Variants in BANP observed in about 807,000 individuals in gnomAD.
BANP encodes BTG3 associated nuclear protein.
In BANP, 11 loss-of-function variants were observed where a neutral mutation model predicts 68.1. That is an observed-to-expected ratio of 0.16 (90% CI 0.10 to 0.27). The LOEUF (loss-of-function observed/expected upper bound fraction) is 0.27. Ranked by LOEUF, BANP falls within the 10% of genes least tolerant of loss-of-function variation. BANP has a pLI of 1.00. For synonymous variants in BANP, 329 were observed against 303.2 expected, an observed-to-expected ratio of 1.09 and a Z score of -0.88; for missense variants, 504 against 722.7, an observed-to-expected ratio of 0.70 and a Z score of 3.47.
chr16:87,975,037 C>A lies in BANP; in HGVS notation c.-68-11C>A. On this transcript the variant is annotated splice_polypyrimidine_tract_variant and intron_variant, in intron 1 of 13. Transcript: ENST00000682872. The stretch of plus-strand genomic sequence containing the variant: ...AATGTCCTCTCCTCCTCCTTTGCTT[C>A]TGTTTGGTAGGTGACCAAAAGCCAG... The A allele has an allele frequency of 8.1e-7, 1 of 1,237,854 alleles. No homozygotes were observed. The highest frequency in any genetic ancestry group is 2.3e-5 in the East Asian group (1 of 42,810). The allele number at this position is 1,237,854 out of a possible 1,614,324, so 76.7% of individuals were successfully genotyped here. A position where few individuals can be genotyped will look rare whatever the true frequency, so the allele number is the denominator to read the frequency against.
At chr16:87,973,227 G>A (rs559450466) in intron 1 of BANP, among the ~76,000 whole-genome samples, 1 of 151,348 alleles carries the variant, frequency 6.6e-6, no homozygotes, top group South Asian at 2.1e-4. Flanking sequence ...CTGAGGCTTT[G>A]TGTCTCCCCC....
At chr16:88,021,872 C>T (rs1174927618) in intron 7 of BANP, among the ~76,000 whole-genome samples, 2 of 152,138 alleles carry the variant, frequency 1.3e-5, no homozygotes, top group Non-Finnish European at 2.9e-5. Context: ...TAAGTTTCTC[C>T]TTATTTGTCA....
At chr16:88,037,166 AC>A (rs1598724084) in intron 10 of BANP, 2 of 152,038 alleles carry the variant, frequency 1.3e-5, no homozygotes, top group South Asian at 4.1e-4. Flanking sequence ...AAGAAAAAAA[AC>A]AACACACATT....
rs145025307 is a variant in BANP at position 88,035,278 on chromosome 16, T to C, written c.1201-45T>C. ...GGAAGATGTTTCTTGTTTCCTTTGC[T>C]TTTGATTTTCTTCTGATGCTTCTTG... On this transcript the variant is annotated intron_variant, in intron 9 of 13. Coordinates refer to ENST00000682872, the MANE Select transcript of BANP (RefSeq NM_001386991.1). 1.6e-5 allele frequency: 24 copies of C among 1,516,594 alleles called. No individual in the cohort carries two copies. In the African/African-American group the frequency reaches 2.6e-4, roughly 17 times the overall value. 93.9% of individuals were successfully genotyped at this position (1,516,594 alleles called of 1,614,324 possible). A position where few individuals can be genotyped will look rare whatever the true frequency, so the allele number is the denominator to read the frequency against.
At chr16:87,977,906 G>C (rs868644572) in intron 2 of BANP, among the ~76,000 whole-genome samples, 19 of 152,314 alleles carry the variant, frequency 1.2e-4, no homozygotes, top group African/African-American at 4.3e-4. Context: ...CGTGATCTCA[G>C]CTCACTGCAA....
intron 1 of BANP, chr16:87,952,237 C>G (rs1393816417): frequency 1.3e-5 from 2 of 152,260 alleles, no homozygotes; most frequent in East Asian, 3.8e-4. Context: ...GGAGAGATTG[C>G]CTTGATAGAG....
At position 87,962,254 on chromosome 16, in the gene BANP, A is replaced by AAAAAAAAAAC. The variant is rs2059317220; in HGVS notation, c.-69+10741_-69+10742insAAAAAAACAA. Among the ~76,000 whole-genome samples the AAAAAAAAAAC allele has an allele frequency of 1.4e-5, 2 of 147,704 alleles. 1 individual carries two copies. The highest frequency in any genetic ancestry group is 3.0e-5 in the Non-Finnish European group (2 of 67,702). ...GACTTGGTCTCAAAAAAAAAAAAAA[A>AAAAAAAAAAC]AAGAAAGCACATTTTTTTCCTTTAT... On this transcript the variant is annotated intron_variant, in intron 1 of 13. Coordinates refer to ENST00000682872, the MANE Select transcript of BANP (RefSeq NM_001386991.1).
At chr16:87,951,873 G>A (rs967379686) in intron 1 of BANP, among the ~76,000 whole-genome samples, 2 of 152,104 alleles carry the variant, frequency 1.3e-5, no homozygotes, top group Admixed American at 1.3e-4. Flanking sequence ...AGACTGGAAA[G>A]GCCTAGAACC....
chr16:88,068,573 T>C (rs1293737878), intron 12 of BANP, among the ~76,000 whole-genome samples: 1 of 152,114 alleles, frequency 6.6e-6, no homozygotes, highest in African/African-American at 2.4e-5. Flanking sequence ...GGAAACGCAG[T>C]TTGTGCAGGG....
At chr16:88,039,182 G>A (rs1332713500) in intron 11 of BANP, among the ~76,000 whole-genome samples, 1 of 152,110 alleles carries the variant, frequency 6.6e-6, no homozygotes, top group African/African-American at 2.4e-5. Flanking sequence ...TTAAAGATCA[G>A]CACGAGGTTT....
Position 88,054,285 on chromosome 16 carries a change from C to CA in BANP, c.1312-10981dup, listed in dbSNP as rs1427022145. Reference sequence around the variant, plus strand: ...CCACCACCACCACCTCTACCACTGTCATCTCCATCATCATCACCAACACAA... The same window carrying CA: ...CCACCACCACCACCTCTACCACTGTCAATCTCCATCATCATCACCAACACAA... On this transcript the variant is annotated intron_variant, in intron 11 of 13. Transcript: ENST00000682872. Among the ~76,000 whole-genome samples, 50 of 5,522 alleles carry CA rather than the reference C, an allele frequency of 9.1e-3. 6 individuals are homozygous for CA. The highest frequency in any genetic ancestry group is 6.9e-3 in the Non-Finnish European group (7 of 1,020). 3.6% of individuals were successfully genotyped at this position (5,522 alleles called of 152,430 possible). A position where few individuals can be genotyped will look rare whatever the true frequency, so the allele number is the denominator to read the frequency against.
chr16:88,012,876 C>T (rs892486790), intron 6 of BANP, among the ~76,000 whole-genome samples: 6 of 152,194 alleles, frequency 3.9e-5, no homozygotes, highest in African/African-American at 1.4e-4. Flanking sequence ...AATAACTATT[C>T]ACTGTGGTCT....
At chr16:87,980,214 T>G (rs568776737) in intron 2 of BANP, among the ~76,000 whole-genome samples, 2 of 152,348 alleles carry the variant, frequency 1.3e-5, no homozygotes, top group Admixed American at 1.3e-4. Context: ...GACCTTGAAC[T>G]TCTATCTATA....
chr16:88,003,269 G>A lies in BANP; in HGVS notation c.363-1026G>A, dbSNP rs75781837. Among the ~76,000 whole-genome samples, 526 of 152,320 alleles carry A rather than the reference G, an allele frequency of 3.5e-3. 2 individuals are homozygous for A. Among genetic ancestry groups the A allele is most frequent in the Middle Eastern group, 0.01 (3 of 294 alleles). On this transcript the variant is annotated intron_variant, in intron 4 of 13. Transcript: ENST00000682872. The surrounding 1 kb of genome is among the most constrained non-coding windows in gnomAD (Gnocchi z 6.1). ...TGCCTTTATTTTAGGAGAAAACCTG[G>A]TGGTCCTGTGATTTACTTGAGCATG...
chr16:87,993,418 C>G (rs1287204746), intron 4 of BANP, among the ~76,000 whole-genome samples: 2 of 152,160 alleles, frequency 1.3e-5, no homozygotes, highest in Non-Finnish European at 2.9e-5. Flanking sequence ...CATCCGTTTC[C>G]ATCAGTGTGT....
rs147578596 is a variant in BANP, at chr16:87,988,115, A to T, written c.362+3856A>T. 3.2e-3 allele frequency among the ~76,000 whole-genome samples: 486 copies of T among 152,332 alleles called. 8 individuals are homozygous for T. The East Asian group carries it at 0.036, about 11-fold the overall frequency. On this transcript the variant is annotated intron_variant, in intron 4 of 13. Transcript: ENST00000682872. ...TGTCAATGAAAAAAAGTATGTTTAA[A>T]TTAGAAAGTTACTAATTTGTGAACA... is the stretch of plus-strand genomic sequence containing the variant.
At chr16:87,996,848 G>C (rs2067390869) in intron 4 of BANP, among the ~76,000 whole-genome samples, 1 of 152,156 alleles carries the variant, frequency 6.6e-6, no homozygotes, top group African/African-American at 2.4e-5. Context: ...ACACAAATCT[G>C]TGAAAACAGT....
intron 11 of BANP, among the ~76,000 whole-genome samples, chr16:88,055,290 C>T (rs1598936343): frequency 6.6e-6 from 1 of 152,206 alleles, no homozygotes; most frequent in South Asian, 2.1e-4. Flanking sequence ...ACCCCCTCCG[C>T]ACACACACCC....
At chr16:87,978,324 G>T (rs993670055) in intron 2 of BANP, 6 of 232,978 alleles carry the variant, frequency 2.6e-5, no homozygotes, top group African/African-American at 1.4e-4. Flanking sequence ...CTGCTGTTAT[G>T]ACGAAACTAG....
Sources: allele counts gnomAD v4.1 joint callset (sites outside exome capture counted in the v4.1 genomes callset), GRCh38; gene constraint gnomAD v4.1.1; non-coding constraint Gnocchi (gnomAD v3.1); transcripts MANE v1.5; gene names NCBI Gene and HGNC (gene_info 2026-07-23, HGNC 2026-07-21).